Variants in GYG2 observed in about 807,000 individuals in gnomAD.
GYG2 encodes glycogenin 2.
In GYG2, 29 loss-of-function variants were observed where a neutral mutation model predicts 29.4. The ratio of observed to expected loss-of-function variants is 0.99; its 90% CI spans 0.74 to 1.35. GYG2 has a LOEUF of 1.35. Among genes scored for constraint, GYG2 ranks in the 40% most tolerant of loss-of-function variants. The pLI, the probability that GYG2 is intolerant of heterozygous loss-of-function variation, is 0.00. For missense variants in GYG2, 370 were observed against 385.7 expected (o/e 0.96, Z 0.34); for synonymous variants, 167 against 172.3 (o/e 0.97, Z 0.24).
intron 8 of GYG2, among the ~76,000 whole-genome samples, chrX:2,872,980 C>G (rs1439021943): frequency 1.8e-5 from 2 of 112,002 alleles, no homozygotes; most frequent in Non-Finnish European, 3.8e-5. Context: ...CATTTTTTCC[C>G]AAGACTCATT....
rs1172416137 is a variant in GYG2, at chrX:2,844,530, G to A, written c.149+1176G>A. ...TATATGTGTATACGCACACGCATGC[G>A]TATATATGTGTATACGCACACGCAT... On this transcript the variant is annotated intron_variant, in intron 3 of 10. Coordinates refer to ENST00000398806, the MANE Select transcript of GYG2 (RefSeq NM_001079855.2). 1.1e-4 allele frequency among the ~76,000 whole-genome samples: 5 copies of A among 46,077 alleles called. 1 individual carries two copies. The highest frequency in any genetic ancestry group is 2.1e-4 in the Admixed American group (1 of 4,873). The allele number at this position is 46,077 out of a possible 115,157, so 40.0% of individuals were successfully genotyped here.
At chrX:2,877,855 C>T in intron 10 of GYG2, 2 of 751,659 alleles carry the variant, frequency 2.7e-6, no homozygotes, top group Non-Finnish European at 3.1e-6. Flanking sequence ...CTAATAATGC[C>T]ATTTGGTCTT....
intron 2 of GYG2, among the ~76,000 whole-genome samples, chrX:2,842,487 C>T (rs1335943288): frequency 9.0e-6 from 1 of 111,150 alleles, no homozygotes; most frequent in Non-Finnish European, 1.9e-5. Flanking sequence ...GCCACTGCAC[C>T]TAGCCCAAAG....
chrX:2,858,872 T>C (rs1292384629), intron 6 of GYG2, among the ~76,000 whole-genome samples: 3 of 111,410 alleles, frequency 2.7e-5, no homozygotes, highest in Non-Finnish European at 5.7e-5. Context: ...TAGAATCCTG[T>C]AAAAGAGAAA....
At chrX:2,857,693 G>C (rs1467394403) in intron 6 of GYG2, among the ~76,000 whole-genome samples, 1 of 110,221 alleles carries the variant, frequency 9.1e-6, no homozygotes, top group Non-Finnish European at 1.9e-5. Context: ...TACACACACA[G>C]AAACACACAC....
intron 3 of GYG2, among the ~76,000 whole-genome samples, chrX:2,847,533 C>CAA (rs34368863): frequency 0.01 from 571 of 56,229 alleles, 8 homozygotes; most frequent in Admixed American, 0.052. Flanking sequence ...ACTAAAAGTA[C>CAA]AAAAAAAAAA....
At position 2,832,595 on chromosome X, in the gene GYG2, T is replaced by C. The variant is rs150055388; in HGVS notation, c.7+2400T>C. ...TGTCGCCCAGGCTGGAGTGCGATGG[T>C]GCAATATCGGCTCACTGCAGCTTCC... is the stretch of plus-strand genomic sequence containing the variant. On this transcript the variant is annotated intron_variant, in intron 2 of 10. Coordinates refer to ENST00000398806, the MANE Select transcript of GYG2 (RefSeq NM_001079855.2). 2.7e-3 allele frequency among the ~76,000 whole-genome samples: 305 copies of C among 111,268 alleles called. 1 individual carries two copies. Among genetic ancestry groups the C allele is most frequent in the African/African-American group, 9.3e-3 (286 of 30,602 alleles).
intron 2 of GYG2, 63 bp downstream of exon 2, chrX:2,830,258 G>A: frequency 1.0e-6 from 1 of 998,971 alleles, no homozygotes; most frequent in East Asian, 3.1e-5. Context: ...TGACAGATTG[G>A]TCTGCACTGG....
Position 2,877,191 on chromosome X carries a change from A to G in GYG2, c.1144-9A>G, listed in dbSNP as rs1427092200. 2 of 1,206,443 alleles carry G rather than the reference A, an allele frequency of 1.7e-6. No individual in the cohort carries two copies. The highest frequency in any genetic ancestry group is 2.2e-5 in the Admixed American group (1 of 45,989). On this transcript the variant is annotated splice_polypyrimidine_tract_variant and intron_variant, in intron 9 of 10. Transcript: ENST00000398806. ...ACCGCAGACTAATGATGGAATGGTT[A>G]TGTTTTAGCAGCCAGCAAATAAAGT...
rs1322406288 is a variant in GYG2 at position 2,866,570 on chromosome X, A to G, written c.1038+4848A>G. Among the ~76,000 whole-genome samples the G allele has an allele frequency of 2.7e-5, 3 of 111,547 alleles. No individual in the cohort carries two copies. In the Admixed American group the frequency reaches 2.9e-4, roughly 11 times the overall value. On this transcript the variant is annotated intron_variant, in intron 8 of 10. Transcript: ENST00000398806. ...AGGGAGAGATTTGTTAAAGGATACA[A>G]AATTACAGCTAGACAAGAGGAATAT...
At chrX:2,856,475 T>C (rs200270309) in intron 5 of GYG2, 23 bp from the exon 6 acceptor site, 23 of 1,206,952 alleles carry the variant, frequency 1.9e-5, no homozygotes, top group Non-Finnish European at 2.5e-5. Flanking sequence ...GCTAACCTGC[T>C]TTTGTGTTTG....
At chrX:2,829,431 C>A (rs1366353340) in intron 1 of GYG2, 30 of 57,278 alleles carry the variant, frequency 5.2e-4, no homozygotes, top group African/African-American at 2.1e-3. Context: ...GCAGAGGCTG[C>A]GGGAGCGCGG....
At chrX:2,858,469 GA>G (rs1176146738) in intron 6 of GYG2, among the ~76,000 whole-genome samples, 19 of 105,277 alleles carry the variant, frequency 1.8e-4, no homozygotes, top group Admixed American at 5.1e-4. Flanking sequence ...CAGCTCAGGA[GA>G]AAAAAAAAAG....
At chrX:2,862,676 C>T (rs890345915) in intron 8 of GYG2, among the ~76,000 whole-genome samples, 3 of 111,765 alleles carry the variant, frequency 2.7e-5, no homozygotes, top group African/African-American at 9.7e-5. Flanking sequence ...AATGAAAATA[C>T]ACCTTACTTG....
intron 3 of GYG2, chrX:2,852,967 T>G (rs2087900834): frequency 9.0e-6 from 1 of 111,610 alleles, no homozygotes; most frequent in South Asian, 3.7e-4. Context: ...AGGTATAAAT[T>G]TGGCAGCCAG....
intron 8 of GYG2, among the ~76,000 whole-genome samples, chrX:2,870,353 C>T (rs1466686026): frequency 9.0e-6 from 1 of 110,626 alleles, no homozygotes; most frequent in East Asian, 2.9e-4. Context: ...AGGCATCCGC[C>T]ACTACACCTG....
At chrX:2,878,088 C>T in intron 10 of GYG2, 1 of 749,497 alleles carries the variant, frequency 1.3e-6, no homozygotes, top group East Asian at 1.5e-4. Context: ...GTCCAGGTTT[C>T]TTATAAACAT....
At chrX:2,865,692 C>T (rs1228901395) in intron 8 of GYG2, among the ~76,000 whole-genome samples, 2 of 111,382 alleles carry the variant, frequency 1.8e-5, no homozygotes, top group Admixed American at 9.6e-5. Context: ...ACGCTCATTT[C>T]ACCCCAGTTA....
chrX:2,861,650 T>G lies in GYG2; in HGVS notation c.966T>G (p.Ala322=). 1 of 1,207,091 alleles carries G rather than the reference T, an allele frequency of 8.3e-7. No individual in the cohort carries two copies. The highest frequency in any genetic ancestry group is 1.1e-6 in the Non-Finnish European group (1 of 892,658). The part of the protein sequence containing the change: ...ANSPLGSNQP[A]QGLPEPTQIV... ...CACCACTGGGTTCTAACCAGCCTGC[T>G]CAGGGCCTTCCGGAGCCGACCCAGA... Residue 322 remains alanine, a synonymous_variant, in exon 8 of 11, where the codon GCT becomes GCG. Coordinates refer to ENST00000398806, the MANE Select transcript of GYG2 (RefSeq NM_001079855.2).
Sources: allele counts gnomAD v4.1 joint callset (sites outside exome capture counted in the v4.1 genomes callset), GRCh38; gene constraint gnomAD v4.1.1; transcripts MANE v1.5; gene names NCBI Gene and HGNC (gene_info 2026-07-23, HGNC 2026-07-21).